Variants in HS3ST4 observed in about 807,000 individuals in gnomAD.
HS3ST4 encodes heparan sulfate-glucosamine 3-sulfotransferase 4.
Under a neutral mutation model 29.2 loss-of-function variants are expected in HS3ST4, and 17 were observed. That is an observed-to-expected ratio of 0.58 (90% confidence interval 0.40 to 0.87). HS3ST4 has a LOEUF of 0.87. HS3ST4 is among the 40% of genes least tolerant of loss of function. The probability of loss-of-function intolerance (pLI) is 0.00; values close to 1 mark genes in which losing one functional copy is unlikely to be tolerated. For synonymous variants in HS3ST4, 314 were observed against 285.7 expected (o/e 1.10, Z -1.00); for missense variants, 627 against 634.5 (o/e 0.99, Z 0.13).
chr16:26,076,075 C>T (rs7206740), intron 1 of HS3ST4, among the ~76,000 whole-genome samples: 33,022 of 152,164 alleles, frequency 0.22, 3,712 homozygotes, highest in South Asian at 0.26. Context: ...GGATCTACTT[C>T]AAATTATTGC....
chr16:25,767,710 C>T (rs1047194724), intron 1 of HS3ST4, among the ~76,000 whole-genome samples: 1 of 152,154 alleles, frequency 6.6e-6, no homozygotes, highest in Non-Finnish European at 1.5e-5. Flanking sequence ...TGAGCACCCA[C>T]TCTGTGCTCG....
intron 1 of HS3ST4, among the ~76,000 whole-genome samples, chr16:26,107,782 C>A (rs1899076546): frequency 6.6e-6 from 1 of 152,128 alleles, no homozygotes; most frequent in Non-Finnish European, 1.5e-5. Context: ...TTTCTTTATT[C>A]ACTCATCGGT....
intron 1 of HS3ST4, among the ~76,000 whole-genome samples, chr16:26,132,240 G>A (rs527957209): frequency 6.6e-6 from 1 of 152,252 alleles, no homozygotes; most frequent in East Asian, 1.9e-4. Context: ...GAATCAGTTT[G>A]AGGAAAGGGA....
intron 1 of HS3ST4, among the ~76,000 whole-genome samples, chr16:25,701,363 T>C (rs1271196482): frequency 1.3e-5 from 2 of 152,078 alleles, no homozygotes; most frequent in Non-Finnish European, 2.9e-5. Flanking sequence ...CCCTTTGGCT[T>C]GGGGTGGTGG....
intron 1 of HS3ST4, among the ~76,000 whole-genome samples, chr16:25,861,883 A>G (rs143070634): frequency 5.1e-4 from 77 of 152,302 alleles, no homozygotes; most frequent in African/African-American, 1.8e-3. Flanking sequence ...ATTTCACTCA[A>G]CGTTGTGTTT....
At chr16:25,905,167 C>T (rs1177824200) in intron 1 of HS3ST4, among the ~76,000 whole-genome samples, 1 of 152,068 alleles carries the variant, frequency 6.6e-6, no homozygotes, top group Non-Finnish European at 1.5e-5. Context: ...GGTGGTATAG[C>T]TGGGGACAGC....
At chr16:25,739,066 G>A (rs1966632725) in intron 1 of HS3ST4, among the ~76,000 whole-genome samples, 1 of 152,200 alleles carries the variant, frequency 6.6e-6, no homozygotes, top group Admixed American at 6.5e-5. Flanking sequence ...TTGAGGTTGG[G>A]CGCAGTGGCT....
intron 1 of HS3ST4, among the ~76,000 whole-genome samples, chr16:25,806,910 A>G (rs1030830226): frequency 6.6e-6 from 1 of 152,156 alleles, no homozygotes; most frequent in South Asian, 2.1e-4. Context: ...GCATAGGTTC[A>G]TGAATCCATC....
chr16:25,709,590 T>G (rs1031217071), intron 1 of HS3ST4, among the ~76,000 whole-genome samples: 5 of 152,144 alleles, frequency 3.3e-5, no homozygotes, highest in Non-Finnish European at 7.3e-5. Flanking sequence ...GGTTCTGTTT[T>G]GTCTTTCTAC....
chr16:25,852,730 A>G (rs910886950), intron 1 of HS3ST4, among the ~76,000 whole-genome samples: 2 of 152,132 alleles, frequency 1.3e-5, no homozygotes, highest in Admixed American at 6.6e-5. Context: ...TAAATTAATT[A>G]CATGAAATCA....
intron 1 of HS3ST4, among the ~76,000 whole-genome samples, chr16:26,071,273 G>A (rs947353912): frequency 1.3e-5 from 2 of 152,162 alleles, no homozygotes; most frequent in African/African-American, 2.4e-5. Context: ...AGGGAGAAAG[G>A]GGTCAGGTTT....
chr16:25,835,345 A>T (rs1276697636), intron 1 of HS3ST4, among the ~76,000 whole-genome samples: 1 of 152,224 alleles, frequency 6.6e-6, no homozygotes, highest in Admixed American at 6.5e-5. Context: ...AATTCTGTGC[A>T]TGAGCCAGAG....
At chr16:26,030,055 G>A (rs1017554133) in intron 1 of HS3ST4, among the ~76,000 whole-genome samples, 23 of 152,204 alleles carry the variant, frequency 1.5e-4, no homozygotes, top group Admixed American at 9.8e-4. Flanking sequence ...ATGGCAGCAT[G>A]GGTCTAGGGA....
At chr16:26,032,883 T>G in intron 1 of HS3ST4, 1 of 1,389,514 alleles carries the variant, frequency 7.2e-7, no homozygotes, top group South Asian at 1.2e-5. Context: ...CTTTGGTCGG[T>G]CTGGGGGTCG....
intron 1 of HS3ST4, among the ~76,000 whole-genome samples, chr16:25,850,347 GA>G (rs1249848722): frequency 1.3e-5 from 2 of 152,036 alleles, no homozygotes; most frequent in Non-Finnish European, 2.9e-5. Context: ...TATGGGCTGG[GA>G]AAAAACCCCA....
intron 1 of HS3ST4, among the ~76,000 whole-genome samples, chr16:25,782,916 T>C (rs1245551697): frequency 1.3e-5 from 2 of 152,358 alleles, no homozygotes; most frequent in African/African-American, 4.8e-5. Flanking sequence ...ATTTTAGTTC[T>C]CTTGTGGTAA....
intron 1 of HS3ST4, among the ~76,000 whole-genome samples, chr16:26,110,544 T>C (rs1899115323): frequency 6.6e-6 from 1 of 152,198 alleles, no homozygotes; most frequent in Admixed American, 6.5e-5. Flanking sequence ...TCTTATTATA[T>C]CCACACCAAA....
In HS3ST4 at chr16:26,002,941, A is replaced by ATTT. The variant is rs138032844; in HGVS notation, c.735-132656_735-132654dup. Among the ~76,000 whole-genome samples, 865 of 138,950 alleles carry ATTT rather than the reference A, an allele frequency of 6.2e-3. 10 individuals are homozygous for ATTT. The highest frequency in any genetic ancestry group is 0.022 in the African/African-American group (841 of 37,982). 91.2% of individuals were successfully genotyped at this position (138,950 alleles called of 152,430 possible). A position where few individuals can be genotyped will look rare whatever the true frequency, so the allele number is the denominator to read the frequency against. On this transcript the variant is annotated intron_variant, in intron 1 of 1. Transcript: ENST00000331351. ...TTTAGCTTCCTAGATGCATTCTTAC[A>ATTT]TTTTTTTTTTTTTTTTTGCCTGAAA...
chr16:25,697,092 C>G (rs1966303317), intron 1 of HS3ST4, among the ~76,000 whole-genome samples: 1 of 152,152 alleles, frequency 6.6e-6, no homozygotes, highest in South Asian at 2.1e-4. Flanking sequence ...AAGCATATAC[C>G]CTGTGTTCAT....
Sources: gnomAD v4.1 joint callset for allele counts (sites outside exome capture counted in the v4.1 genomes callset) on GRCh38, gnomAD v4.1.1 for gene constraint, MANE v1.5 for transcripts, NCBI Gene and HGNC (gene_info 2026-07-23, HGNC 2026-07-21) for gene names.